SORCS3: variants seen among roughly 807,000 people sequenced by gnomAD.
SORCS3 encodes the protein sortilin related VPS10 domain containing receptor 3.
SORCS3 carries 57 observed loss-of-function variants against 146.3 expected under a neutral mutation model. That is an observed-to-expected ratio of 0.39 (90% CI 0.31 to 0.49). The LOEUF is 0.49. Ranked by LOEUF, SORCS3 falls within the 20% of genes least tolerant of loss-of-function variation. The probability of loss-of-function intolerance (pLI) is 0.92; values close to 1 mark genes in which losing one functional copy is unlikely to be tolerated. For synonymous variants in SORCS3, 653 were observed against 618.5 expected, an observed-to-expected ratio of 1.06 and a Z score of -0.83; for missense variants, 1,341 against 1,575.5, an observed-to-expected ratio of 0.85 and a Z score of 2.52.
At chr10:104,710,670 C>A (rs1353647526) in intron 1 of SORCS3, among the ~76,000 whole-genome samples, 1 of 152,034 alleles carries the variant, frequency 6.6e-6, no homozygotes, top group African/African-American at 2.4e-5. Context: ...ATCAAACCCC[C>A]ACCCCCACCT....
chr10:104,646,901 G>T (rs1464296212), intron 1 of SORCS3, among the ~76,000 whole-genome samples: 1 of 152,106 alleles, frequency 6.6e-6, no homozygotes, highest in Non-Finnish European at 1.5e-5. Flanking sequence ...CTGAGAAAAG[G>T]CTCTGGATAG....
At chr10:105,246,941 T>G (rs1460981420) in intron 21 of SORCS3, among the ~76,000 whole-genome samples, 1 of 152,246 alleles carries the variant, frequency 6.6e-6, no homozygotes, top group East Asian at 1.9e-4. Context: ...CCTTCTGGAG[T>G]TTCATAATTG....
At chr10:104,855,743 G>T (rs969556937) in intron 2 of SORCS3, among the ~76,000 whole-genome samples, 1 of 150,544 alleles carries the variant, frequency 6.6e-6, no homozygotes, top group African/African-American at 2.5e-5. Context: ...GTGTGTGTGT[G>T]TGTGTGTTTT....
intron 1 of SORCS3, among the ~76,000 whole-genome samples, chr10:104,823,029 A>G (rs2017892786): frequency 2.0e-5 from 3 of 152,174 alleles, no homozygotes; most frequent in African/African-American, 7.2e-5. Context: ...AGCAGTTTGT[A>G]AAAGGAGCTA....
At chr10:104,778,620 G>T (rs2017339361) in intron 1 of SORCS3, among the ~76,000 whole-genome samples, 2 of 152,214 alleles carry the variant, frequency 1.3e-5, no homozygotes, top group Non-Finnish European at 2.9e-5. Flanking sequence ...TGTCAGATGA[G>T]TCTGGTAGTG....
chr10:105,234,908 C>G (rs2056784547), intron 20 of SORCS3, among the ~76,000 whole-genome samples: 1 of 151,872 alleles, frequency 6.6e-6, no homozygotes, highest in Non-Finnish European at 1.5e-5. Flanking sequence ...CTTTAGTATG[C>G]CTTGTAATTT....
intron 2 of SORCS3, among the ~76,000 whole-genome samples, chr10:104,843,369 A>T (rs890726760): frequency 6.6e-6 from 1 of 152,214 alleles, no homozygotes; most frequent in African/African-American, 2.4e-5. Flanking sequence ...TTTTGCCTTC[A>T]GGGGCCCCTT....
At position 105,263,326 on chromosome 10, in the gene SORCS3, T is replaced by G; in HGVS notation, c.3621T>G (p.Ile1207Met). Residue 1207 changes from isoleucine (I) to methionine (M), a missense_variant, in exon 27 of 27, where the codon ATT becomes ATG. Ile to Met is a conservative substitution (Grantham distance 10). Coordinates refer to ENST00000369701, the MANE Select transcript of SORCS3 (RefSeq NM_014978.3). Reference protein sequence around the residue: ...DTRVIGGIATIANSESTKEIP... With the variant: ...DTRVIGGIATMANSESTKEIP... ...TCTCTGCAGGAGGCATTGCCACTAT[T>G]GCAAACAGCGAAAGCACAAAGGAGA... is the stretch of plus-strand genomic sequence containing the variant. 1 of 1,614,096 alleles carries G rather than the reference T, an allele frequency of 6.2e-7. No homozygotes were observed. Among genetic ancestry groups the G allele is most frequent in the Non-Finnish European group, 8.5e-7 (1 of 1,179,956 alleles).
At chr10:105,262,532 C>G in intron 26 of SORCS3, 41 bp downstream of exon 26, 1 of 1,580,196 alleles carries the variant, frequency 6.3e-7, no homozygotes. Flanking sequence ...GTTCTGTGTC[C>G]TCTAAACACT....
At chr10:104,957,229 ATAT>A (rs2019504238) in intron 3 of SORCS3, among the ~76,000 whole-genome samples, 1 of 152,180 alleles carries the variant, frequency 6.6e-6, no homozygotes, top group African/African-American at 2.4e-5. Context: ...ATTTAATCTA[ATAT>A]TATAGAAAAT....
intron 3 of SORCS3, among the ~76,000 whole-genome samples, chr10:104,952,070 C>T (rs1245965633): frequency 6.6e-6 from 1 of 150,892 alleles, no homozygotes; most frequent in Non-Finnish European, 1.5e-5. Context: ...AATCTAGTGT[C>T]CGTCTCCTAC....
chr10:105,263,300 T>G lies in SORCS3; in HGVS notation c.3605-10T>G. The G allele has an allele frequency of 1.2e-6, 2 of 1,613,872 alleles. No individual in the cohort carries two copies. Among genetic ancestry groups the G allele is most frequent in the Non-Finnish European group, 1.7e-6 (2 of 1,179,804 alleles). ...CATCCATTTCTCCCTGTGTCTTCTC[T>G]TCTCTGCAGGAGGCATTGCCACTAT... On this transcript the variant is annotated splice_polypyrimidine_tract_variant and intron_variant, in intron 26 of 26. Coordinates refer to ENST00000369701, the MANE Select transcript of SORCS3 (RefSeq NM_014978.3).
chr10:104,747,042 G>A (rs1331468992), intron 1 of SORCS3, among the ~76,000 whole-genome samples: 3 of 152,192 alleles, frequency 2.0e-5, no homozygotes, highest in Non-Finnish European at 2.9e-5. Context: ...CTCCAAGTCT[G>A]TGTGAATTCA....
intron 1 of SORCS3, among the ~76,000 whole-genome samples, chr10:104,713,391 T>G (rs2016441589): frequency 6.6e-6 from 1 of 152,202 alleles, no homozygotes; most frequent in South Asian, 2.1e-4. Flanking sequence ...TGGGATGTTT[T>G]TCTTTTTCTT....
At chr10:104,948,300 A>G (rs2133624060) in intron 3 of SORCS3, among the ~76,000 whole-genome samples, 1 of 152,308 alleles carries the variant, frequency 6.6e-6, no homozygotes, top group Middle Eastern at 3.4e-3. Context: ...TAGTGTGCAA[A>G]GCATGGAAAT....
intron 1 of SORCS3, among the ~76,000 whole-genome samples, chr10:104,650,458 G>T (rs116674960): frequency 4.4e-4 from 67 of 152,218 alleles, no homozygotes; most frequent in African/African-American, 1.4e-3. Context: ...TCCTGGGGGG[G>T]GCTGATCATT....
chr10:104,740,076 T>C (rs1326155888), intron 1 of SORCS3, among the ~76,000 whole-genome samples: 1 of 152,218 alleles, frequency 6.6e-6, no homozygotes, highest in Non-Finnish European at 1.5e-5. Context: ...TAGAACGTAT[T>C]TCTTGGCATG....
chr10:105,177,818 G>T (rs1049150710), intron 13 of SORCS3, among the ~76,000 whole-genome samples: 6 of 151,954 alleles, frequency 3.9e-5, no homozygotes, highest in African/African-American at 9.7e-5. Context: ...TCCTGCTTGG[G>T]CTGTTTGTCG....
chr10:104,735,456 G>GTTTTTTTTTTT (rs56203751), intron 1 of SORCS3, among the ~76,000 whole-genome samples: 2,471 of 34,694 alleles, frequency 0.071, 492 homozygotes, highest in Middle Eastern at 0.14. Context: ...CTCACCGTCT[G>GTTTTTTTTTTT]TTTTTTTTTT....
Sources: allele counts gnomAD v4.1 joint callset (sites outside exome capture counted in the v4.1 genomes callset), GRCh38; gene constraint gnomAD v4.1.1; transcripts MANE v1.5; gene names NCBI Gene and HGNC (gene_info 2026-07-23, HGNC 2026-07-21).